Variants in RAD51B observed in about 807,000 individuals in gnomAD.
The protein encoded by RAD51B is RAD51 paralog B, also known as DNA repair protein RAD51 homolog 2.
A neutral mutation model predicts 42.2 loss-of-function variants in RAD51B; 38 were observed. That is an observed-to-expected ratio of 0.90 (90% CI 0.70 to 1.18). The LOEUF is 1.18. RAD51B is among the 50% of genes most tolerant of loss of function. The pLI is 0.00. For missense variants in RAD51B, 373 were observed against 400.7 expected (o/e 0.93, Z 0.59); for synonymous variants, 154 against 145.2 (o/e 1.06, Z -0.43).
Position 68,594,470 on chromosome 14 carries a change from T to TC in RAD51B, c.1037-15_1037-14insC, listed in dbSNP as rs773659290. 4.4e-6 allele frequency: 6 copies of TC among 1,363,946 alleles called. No homozygotes were observed. The East Asian group carries it at 1.2e-4, about 27-fold the overall frequency. 84.5% of individuals were successfully genotyped at this position (1,363,946 alleles called of 1,614,324 possible). A position where few individuals can be genotyped will look rare whatever the true frequency, so the allele number is the denominator to read the frequency against. On this transcript the variant is annotated splice_polypyrimidine_tract_variant and intron_variant, in intron 10 of 10. Transcript: ENST00000487270. ...GGCCTAGACTTTGACTTCCTTTTTT[T>TC]TCTCTCTCTCTTAGAGACAACATTT...
intron 7 of RAD51B, among the ~76,000 whole-genome samples, chr14:67,995,338 G>A (rs755555562): frequency 6.6e-6 from 1 of 151,938 alleles, no homozygotes; most frequent in Admixed American, 6.6e-5. Context: ...AGTGAGCCGA[G>A]ATCACGCCAC....
rs1004490480 is a variant in RAD51B, at chr14:68,585,666, A to AT, written c.1037-8812dup. Among the ~76,000 whole-genome samples, 6 of 152,060 alleles carry AT rather than the reference A, an allele frequency of 3.9e-5. No individual in the cohort carries two copies. The South Asian group carries it at 6.2e-4, about 16-fold the overall frequency. On this transcript the variant is annotated intron_variant, in intron 10 of 10. Transcript: ENST00000487270. Reference sequence around the variant, plus strand: ...TCAGCTGGAACAGGGCAGAGCAAACATTTTTTTCCTCCCCACCCCGACCCC... The same window carrying AT: ...TCAGCTGGAACAGGGCAGAGCAAACATTTTTTTTCCTCCCCACCCCGACCCC...
chr14:68,105,398 A>G (rs2077359879), intron 7 of RAD51B, among the ~76,000 whole-genome samples: 1 of 151,944 alleles, frequency 6.6e-6, no homozygotes, highest in Non-Finnish European at 1.5e-5. Flanking sequence ...TTATGTATGT[A>G]TGTTATATAT....
At chr14:68,261,689 C>G (rs1396187359) in intron 7 of RAD51B, among the ~76,000 whole-genome samples, 1 of 152,154 alleles carries the variant, frequency 6.6e-6, no homozygotes, top group Non-Finnish European at 1.5e-5. Flanking sequence ...TACATGCCAA[C>G]TCTAGAATAC....
chr14:68,497,795 A>G (rs1390894948), intron 10 of RAD51B: 1 of 220,354 alleles, frequency 4.5e-6, no homozygotes, highest in Non-Finnish European at 9.1e-6. Flanking sequence ...GTCTTCTTTC[A>G]CTAGTATGTT....
chr14:68,383,919 A>G (rs949656752), intron 8 of RAD51B, among the ~76,000 whole-genome samples: 4 of 152,208 alleles, frequency 2.6e-5, no homozygotes, highest in African/African-American at 9.6e-5. Flanking sequence ...CTGTACTACT[A>G]TGTGTCAATC....
chr14:68,137,276 G>T (rs931966563), intron 7 of RAD51B, among the ~76,000 whole-genome samples: 6 of 152,156 alleles, frequency 3.9e-5, no homozygotes, highest in Non-Finnish European at 8.8e-5. Flanking sequence ...CTAAGGATTT[G>T]AGTTTTGACA....
intron 7 of RAD51B, among the ~76,000 whole-genome samples, chr14:68,265,311 C>T (rs992997967): frequency 2.0e-5 from 3 of 152,176 alleles, no homozygotes; most frequent in Non-Finnish European, 4.4e-5. Flanking sequence ...AAGTATATCA[C>T]AAATAAATGT....
chr14:68,023,904 G>T (rs1454776768), intron 7 of RAD51B, among the ~76,000 whole-genome samples: 1 of 152,076 alleles, frequency 6.6e-6, no homozygotes, highest in Non-Finnish European at 1.5e-5. Context: ...TGGGGGCTTA[G>T]CTAAAACTTC....
intron 7 of RAD51B, among the ~76,000 whole-genome samples, chr14:68,274,024 C>G (rs183912174): frequency 2.6e-4 from 39 of 152,292 alleles, no homozygotes; most frequent in Non-Finnish European, 4.1e-4. Context: ...AATTTCCCCA[C>G]TCTCCTTTGC....
intron 5 of RAD51B, among the ~76,000 whole-genome samples, chr14:67,874,626 G>T (rs186756032): frequency 6.6e-6 from 1 of 152,074 alleles, no homozygotes; most frequent in Non-Finnish European, 1.5e-5. Context: ...CAAAGATCTA[G>T]ATCCTCTTCT....
chr14:67,882,496 T>C (rs1003787815), intron 5 of RAD51B, among the ~76,000 whole-genome samples: 6 of 152,228 alleles, frequency 3.9e-5, no homozygotes, highest in Admixed American at 1.3e-4. Context: ...TAACTCCTAT[T>C]GATATCTGAA....
chr14:67,920,509 G>A (rs2044288440), intron 7 of RAD51B, among the ~76,000 whole-genome samples: 1 of 151,502 alleles, frequency 6.6e-6, no homozygotes, highest in Non-Finnish European at 1.5e-5. Flanking sequence ...TTTCTCATTT[G>A]GCCAGTTAAT....
intron 11 of RAD51B, among the ~76,000 whole-genome samples, chr14:68,666,888 A>G (rs1286437874): frequency 1.3e-5 from 2 of 152,234 alleles, no homozygotes; most frequent in Admixed American, 6.5e-5. Flanking sequence ...TAGATTAGAT[A>G]TGGATATACA....
At chr14:68,623,023 T>G (rs570028066) in intron 10 of RAD51B, among the ~76,000 whole-genome samples, 1 of 152,164 alleles carries the variant, frequency 6.6e-6, no homozygotes, top group African/African-American at 2.4e-5. Flanking sequence ...TGTGCCCAGA[T>G]GTCCTAACCA....
chr14:68,465,956 AAAT>A lies in RAD51B; in HGVS notation c.958-2213_958-2211del, dbSNP rs1354962431. Among the ~76,000 whole-genome samples the A allele has an allele frequency of 1.5e-3, 116 of 76,626 alleles. 3 individuals carry two copies. The highest frequency in any genetic ancestry group is 0.013 in the South Asian group (43 of 3,290). 50.3% of individuals were successfully genotyped at this position (76,626 alleles called of 152,430 possible). On this transcript the variant is annotated intron_variant, in intron 9 of 10. Transcript: ENST00000471583. Reference sequence around the variant, plus strand: ...ACTCTGTCTCAAAAAAAAAAAAAATAAATAAATAAATAAATAAATAAATAAATA... The same window carrying A: ...ACTCTGTCTCAAAAAAAAAAAAAATAAAATAAATAAATAAATAAATAAATA...
At chr14:68,676,506 T>C (rs1893305398) in intron 11 of RAD51B, among the ~76,000 whole-genome samples, 1 of 152,236 alleles carries the variant, frequency 6.6e-6, no homozygotes, top group East Asian at 1.9e-4. Context: ...GCTCCTGCTT[T>C]GTAGTTCTGG....
At chr14:68,114,423 T>C (rs907901182) in intron 7 of RAD51B, among the ~76,000 whole-genome samples, 5 of 152,114 alleles carry the variant, frequency 3.3e-5, no homozygotes, top group African/African-American at 1.2e-4. Flanking sequence ...ATTTTTAGTA[T>C]CTTTGTGTGA....
chr14:68,510,798 G>A (rs1339813235), intron 10 of RAD51B, among the ~76,000 whole-genome samples: 1 of 152,126 alleles, frequency 6.6e-6, no homozygotes, highest in African/African-American at 2.4e-5. Context: ...TCATAAAAAT[G>A]TTTGCCTCTT....
Sources: allele counts gnomAD v4.1 joint callset (sites outside exome capture counted in the v4.1 genomes callset), GRCh38; gene constraint gnomAD v4.1.1; transcripts MANE v1.5; gene names NCBI Gene and HGNC (gene_info 2026-07-23, HGNC 2026-07-21).